NKAIN2: variants seen among roughly 807,000 people sequenced by gnomAD.
NKAIN2 encodes sodium/potassium-transporting ATPase subunit beta-1-interacting protein 2.
A neutral mutation model predicts 32.6 loss-of-function variants in NKAIN2; 14 were observed. The observed-to-expected ratio is 0.43, with a 90% confidence interval of 0.28 to 0.67. The LOEUF is 0.67. Among genes scored for constraint, NKAIN2 ranks in the 30% least tolerant of loss-of-function variants. NKAIN2 has a pLI of 0.17. For synonymous variants in NKAIN2, 80 were observed against 87.2 expected (o/e 0.92, Z 0.46); for missense variants, 198 against 258.3 (o/e 0.77, Z 1.60).
At chr6:124,740,037 G>A (rs1777128852) in intron 4 of NKAIN2, among the ~76,000 whole-genome samples, 2 of 151,728 alleles carry the variant, frequency 1.3e-5, no homozygotes, top group Admixed American at 1.3e-4. Context: ...TTTAATGGCT[G>A]GTGCTTCCAT....
intron 2 of NKAIN2, among the ~76,000 whole-genome samples, chr6:124,337,441 A>C (rs923966957): frequency 7.2e-5 from 11 of 152,174 alleles, no homozygotes; most frequent in African/African-American, 2.7e-4. Flanking sequence ...TAGGAGTTGG[A>C]GGGTGCATTG....
In NKAIN2 at chr6:123,899,922, A is replaced by G. The variant is rs77001165; in HGVS notation, c.54+95668A>G. Among the ~76,000 whole-genome samples the G allele has an allele frequency of 5.3e-4, 80 of 152,188 alleles. No homozygotes were observed. The East Asian group carries it at 0.013, about 25-fold the overall frequency. ...ACTGTCAGCTTGGAATTTGCACTTC[A>G]CTAGAACTGAGCCGAGCACGGGAGT... is the stretch of plus-strand genomic sequence containing the variant. On this transcript the variant is annotated intron_variant, in intron 1 of 6. Transcript: ENST00000368417.
intron 3 of NKAIN2, among the ~76,000 whole-genome samples, chr6:124,534,188 G>A (rs1184904340): frequency 6.6e-6 from 1 of 150,698 alleles, no homozygotes; most frequent in African/African-American, 2.4e-5. Flanking sequence ...GTCTCATTCT[G>A]TTGCCCAGAC....
chr6:124,287,360 G>T (rs1481335247), intron 2 of NKAIN2, among the ~76,000 whole-genome samples: 2 of 152,114 alleles, frequency 1.3e-5, no homozygotes, highest in Non-Finnish European at 2.9e-5. Context: ...AAAGTATGTG[G>T]ACATTCTTCA....
chr6:124,253,889 G>A (rs1206872410), intron 1 of NKAIN2, among the ~76,000 whole-genome samples: 1 of 145,886 alleles, frequency 6.9e-6, no homozygotes, highest in African/African-American at 2.5e-5. Context: ...CTGGAGTGTA[G>A]TTGCATAAAC....
intron 1 of NKAIN2, among the ~76,000 whole-genome samples, chr6:123,929,228 A>G (rs1018332772): frequency 2.0e-5 from 3 of 152,172 alleles, no homozygotes; most frequent in Admixed American, 6.5e-5. Flanking sequence ...ATGTTAATAA[A>G]TTAGTAACTG....
intron 5 of NKAIN2, among the ~76,000 whole-genome samples, chr6:124,810,269 G>A (rs1329817289): frequency 7.6e-4 from 116 of 151,950 alleles, no homozygotes; most frequent in Admixed American, 2.2e-3. Context: ...TTAAGAAAAT[G>A]TGGCACATAT....
intron 1 of NKAIN2, among the ~76,000 whole-genome samples, chr6:124,220,406 A>G (rs952931005): frequency 6.6e-6 from 1 of 152,104 alleles, no homozygotes; most frequent in Admixed American, 6.6e-5. Flanking sequence ...GTGTGAGAAC[A>G]GACTAATACA....
intron 1 of NKAIN2, among the ~76,000 whole-genome samples, chr6:123,914,717 C>T (rs1775403719): frequency 6.6e-6 from 1 of 152,100 alleles, no homozygotes; most frequent in African/African-American, 2.4e-5. Flanking sequence ...CCCTTAACTG[C>T]ATTAGCCAGA....
intron 1 of NKAIN2, among the ~76,000 whole-genome samples, chr6:123,927,118 C>T (rs1582792374): frequency 1.3e-5 from 2 of 152,134 alleles, no homozygotes; most frequent in South Asian, 4.2e-4. Context: ...TGACTGGAAT[C>T]CAAGGCAACC....
intron 4 of NKAIN2, among the ~76,000 whole-genome samples, chr6:124,750,221 T>C (rs1777643530): frequency 6.6e-6 from 1 of 151,966 alleles, no homozygotes; most frequent in Non-Finnish European, 1.5e-5. Context: ...ATGTTAGTTA[T>C]TCTTTTGCCC....
rs191384111 is a variant in NKAIN2, at chr6:123,830,981, C to G, written c.54+26727C>G. Among the ~76,000 whole-genome samples, 4 of 152,294 alleles carry G rather than the reference C, an allele frequency of 2.6e-5. No individual in the cohort carries two copies. In the East Asian group the frequency reaches 7.7e-4, roughly 29 times the overall value. ...GGAAATCAGACCAGCTCTGGTAAATCTGTAGCTATCGGCTTTTGTAAGTTG... is the reference window on the plus strand; with the variant it reads ...GGAAATCAGACCAGCTCTGGTAAATGTGTAGCTATCGGCTTTTGTAAGTTG... On this transcript the variant is annotated intron_variant, in intron 1 of 6. Transcript: ENST00000368417.
At chr6:123,942,508 A>G (rs1041089936) in intron 1 of NKAIN2, among the ~76,000 whole-genome samples, 1 of 152,004 alleles carries the variant, frequency 6.6e-6, no homozygotes, top group African/African-American at 2.4e-5. Flanking sequence ...ATTGATTTTT[A>G]CTTTTGACGC....
chr6:124,376,036 A>G (rs1799976810), intron 3 of NKAIN2, among the ~76,000 whole-genome samples: 1 of 152,168 alleles, frequency 6.6e-6, no homozygotes, highest in Non-Finnish European at 1.5e-5. Flanking sequence ...AGGAAAGGTC[A>G]GAAAAGCAAT....
chr6:124,591,089 A>C (rs761807231), intron 3 of NKAIN2, among the ~76,000 whole-genome samples: 5 of 152,236 alleles, frequency 3.3e-5, no homozygotes, highest in Non-Finnish European at 7.3e-5. Flanking sequence ...GAAGATCATG[A>C]ACACATATGC....
At chr6:123,869,425 C>T (rs536538302) in intron 1 of NKAIN2, among the ~76,000 whole-genome samples, 2 of 152,300 alleles carry the variant, frequency 1.3e-5, no homozygotes, top group South Asian at 2.1e-4. Flanking sequence ...CCTTCAAGAG[C>T]TCTCAGCCCA....
intron 4 of NKAIN2, among the ~76,000 whole-genome samples, chr6:124,783,114 T>C (rs1485822428): frequency 6.6e-6 from 1 of 152,154 alleles, no homozygotes; most frequent in Non-Finnish European, 1.5e-5. Flanking sequence ...GAATCTGATA[T>C]GTAAACCCTG....
intron 1 of NKAIN2, among the ~76,000 whole-genome samples, chr6:123,968,750 C>T (rs560044058): frequency 4.6e-5 from 7 of 152,296 alleles, no homozygotes; most frequent in African/African-American, 1.4e-4. Flanking sequence ...CTCTGGAATG[C>T]CCCTGTTAGC....
intron 4 of NKAIN2, among the ~76,000 whole-genome samples, chr6:124,728,832 G>T (rs1458195251): frequency 6.6e-6 from 1 of 150,672 alleles, no homozygotes; most frequent in Admixed American, 6.6e-5. Flanking sequence ...AAGAAAAAAA[G>T]AGAGAAGAAT....
Sources: allele counts gnomAD v4.1 joint callset (sites outside exome capture counted in the v4.1 genomes callset), GRCh38; gene constraint gnomAD v4.1.1; transcripts MANE v1.5; gene names NCBI Gene and HGNC (gene_info 2026-07-23, HGNC 2026-07-21).